Variants in ADAM22 observed in about 807,000 individuals in gnomAD.
The protein encoded by ADAM22 is disintegrin and metalloproteinase domain-containing protein 22.
Under a neutral mutation model 144.6 loss-of-function variants are expected in ADAM22, and 65 were observed. The observed-to-expected ratio is 0.45, with a 90% CI of 0.37 to 0.55. The LOEUF is 0.55. Among genes scored for constraint, ADAM22 ranks in the 20% least tolerant of loss-of-function variants. The pLI is 0.00. For synonymous variants in ADAM22, 391 were observed against 412.6 expected (o/e 0.95, Z 0.63); for missense variants, 974 against 1,184.9 (o/e 0.82, Z 2.61).
intron 2 of ADAM22, among the ~76,000 whole-genome samples, chr7:87,956,863 A>G (rs190657017): frequency 1.6e-4 from 24 of 152,358 alleles, no homozygotes; most frequent in East Asian, 1.3e-3. Context: ...ATTTAAAATA[A>G]TGGTGCCGTG....
chr7:88,157,851 G>A (rs971294635), intron 22 of ADAM22, among the ~76,000 whole-genome samples: 1 of 152,126 alleles, frequency 6.6e-6, no homozygotes, highest in African/African-American at 2.4e-5. Flanking sequence ...CAATTTATCT[G>A]TTGATTCTTT....
chr7:87,938,588 A>C lies in ADAM22; in HGVS notation c.246+3402A>C, dbSNP rs866561360. ...AATCAGGGTGATTTTCTGTGAACTC[A>C]AAAAGCTTATATAGATTTGTTGATT... On this transcript the variant is annotated intron_variant, in intron 2 of 31. Transcript: ENST00000413139. 7.4e-4 allele frequency among the ~76,000 whole-genome samples: 112 copies of C among 152,222 alleles called. No individual in the cohort carries two copies. In the Middle Eastern group the frequency reaches 0.014, roughly 18 times the overall value.
intron 3 of ADAM22, among the ~76,000 whole-genome samples, chr7:88,015,481 C>T (rs556140617): frequency 6.6e-6 from 1 of 152,158 alleles, no homozygotes; most frequent in Non-Finnish European, 1.5e-5. Flanking sequence ...TGCATAGCTG[C>T]AAGCATGTGG....
intron 3 of ADAM22, among the ~76,000 whole-genome samples, chr7:87,996,578 A>C (rs1006309861): frequency 1.3e-5 from 2 of 152,226 alleles, no homozygotes; most frequent in Non-Finnish European, 2.9e-5. Flanking sequence ...ACAAGCATTC[A>C]GTTCATAACA....
chr7:88,027,784 T>C (rs148764140), intron 3 of ADAM22, among the ~76,000 whole-genome samples: 11 of 152,158 alleles, frequency 7.2e-5, no homozygotes, highest in Admixed American at 2.0e-4. Context: ...CTTCATTAGG[T>C]TGTTTATTTG....
chr7:87,950,877 C>G lies in ADAM22; in HGVS notation c.246+15691C>G, dbSNP rs1217059393. On this transcript the variant is annotated intron_variant, in intron 2 of 31. Coordinates refer to ENST00000413139, the MANE Select transcript of ADAM22 (RefSeq NM_001324418.2). Reference sequence around the variant, plus strand: ...CTCATTGTGGTTTTGATTTGCATTTCTCTGATGGCCAGTGATGATGAGCAT... The same window carrying G: ...CTCATTGTGGTTTTGATTTGCATTTGTCTGATGGCCAGTGATGATGAGCAT... 2.0e-5 allele frequency among the ~76,000 whole-genome samples: 3 copies of G among 150,166 alleles called. No homozygotes were observed. In the East Asian group the frequency reaches 5.8e-4, roughly 29 times the overall value.
At chr7:88,129,609 AC>A (rs1363103175) in intron 9 of ADAM22, among the ~76,000 whole-genome samples, 1 of 152,114 alleles carries the variant, frequency 6.6e-6, no homozygotes, top group African/African-American at 2.4e-5. Context: ...AGTTATAACA[AC>A]ATATATTTTG....
chr7:88,170,235 A>G (rs551072143), intron 25 of ADAM22, among the ~76,000 whole-genome samples: 84 of 152,188 alleles, frequency 5.5e-4, no homozygotes, highest in African/African-American at 2.0e-3. Context: ...CCAAATAGCT[A>G]AAGTTTTAAT....
intron 27 of ADAM22, among the ~76,000 whole-genome samples, chr7:88,180,791 G>A (rs1373952115): frequency 6.6e-6 from 1 of 152,016 alleles, no homozygotes; most frequent in Non-Finnish European, 1.5e-5. Context: ...TTCTTGTGTG[G>A]TACAAGGTAG....
At chr7:88,192,681 T>C (rs1849876314) in intron 30 of ADAM22, among the ~76,000 whole-genome samples, 1 of 152,212 alleles carries the variant, frequency 6.6e-6, no homozygotes, top group South Asian at 2.1e-4. Context: ...ATATCAGTTG[T>C]AATGGATTTT....
At chr7:88,123,457 A>G (rs1829761608) in intron 7 of ADAM22, among the ~76,000 whole-genome samples, 1 of 152,056 alleles carries the variant, frequency 6.6e-6, no homozygotes, top group South Asian at 2.1e-4. Context: ...CTATATATAC[A>G]CACGTTCAAG....
At chr7:87,978,698 A>G (rs567083498) in intron 3 of ADAM22, among the ~76,000 whole-genome samples, 1 of 152,208 alleles carries the variant, frequency 6.6e-6, no homozygotes, top group East Asian at 1.9e-4. Context: ...TTTCCTATGA[A>G]TGACAGTAAA....
At chr7:88,051,890 C>A (rs950851899) in intron 3 of ADAM22, among the ~76,000 whole-genome samples, 3 of 151,622 alleles carry the variant, frequency 2.0e-5, no homozygotes, top group African/African-American at 7.3e-5. Context: ...TTATTTTGTT[C>A]TTTTTATTTT....
chr7:87,976,753 C>T (rs1402884034), intron 2 of ADAM22, among the ~76,000 whole-genome samples: 1 of 152,046 alleles, frequency 6.6e-6, no homozygotes, highest in Non-Finnish European at 1.5e-5. Flanking sequence ...AACTAAAGAG[C>T]AGAAGAGAGA....
chr7:88,166,685 G>A (rs556163490), intron 24 of ADAM22, among the ~76,000 whole-genome samples: 7 of 152,254 alleles, frequency 4.6e-5, no homozygotes, highest in African/African-American at 1.7e-4. Flanking sequence ...AGGGTAAACA[G>A]TTTTAGCTAA....
At chr7:88,007,899 G>A (rs1195177991) in intron 3 of ADAM22, among the ~76,000 whole-genome samples, 1 of 152,156 alleles carries the variant, frequency 6.6e-6, no homozygotes, top group Admixed American at 6.5e-5. Context: ...ATTGACAAGT[G>A]GGATCTAATT....
rs558411626 is a variant in ADAM22 at position 88,103,321 on chromosome 7, T to G, written c.391-4855T>G. On this transcript the variant is annotated intron_variant, in intron 4 of 31. Coordinates refer to ENST00000413139, the MANE Select transcript of ADAM22 (RefSeq NM_001324418.2). ...TCCTTTGTGTTATCATCTTGTCATA[T>G]TTATAATAAATTCTATTTTTCCTTT... 1.9e-4 allele frequency among the ~76,000 whole-genome samples: 29 copies of G among 152,280 alleles called. No homozygotes were observed. The East Asian group carries it at 4.8e-3, about 25-fold the overall frequency.
chr7:88,163,417 T>C (rs572520092), intron 23 of ADAM22, among the ~76,000 whole-genome samples: 53 of 152,084 alleles, frequency 3.5e-4, no homozygotes, highest in Non-Finnish European at 6.8e-4. Context: ...TTCTTTTCTG[T>C]GTTACTATGA....
At chr7:88,186,575 C>A in intron 29 of ADAM22, 40 bp from the exon 30 acceptor site, 1 of 1,314,784 alleles carries the variant, frequency 7.6e-7, no homozygotes, top group Non-Finnish European at 1.1e-6. Context: ...GATTTTCTAT[C>A]TTGTTCTGCT....
Sources: gnomAD v4.1 joint callset for allele counts (sites outside exome capture counted in the v4.1 genomes callset) on GRCh38, gnomAD v4.1.1 for gene constraint, MANE v1.5 for transcripts, NCBI Gene and HGNC (gene_info 2026-07-23, HGNC 2026-07-21) for gene names.